The following WNT5A variants were observed in gnomAD, a reference collection of about 807,000 sequenced individuals.
WNT5A encodes the protein protein Wnt-5a.
WNT5A carries 9 observed loss-of-function variants against 42.1 expected under a neutral mutation model. The observed-to-expected ratio is 0.21, with a 90% CI of 0.13 to 0.37. The LOEUF is 0.37. WNT5A is among the 10% of genes least tolerant of loss of function. The probability of loss-of-function intolerance (pLI) is 1.00; values close to 1 mark genes in which losing one functional copy is unlikely to be tolerated. For synonymous variants in WNT5A, 210 were observed against 210.0 expected (o/e 1.00, Z 0.00); for missense variants, 426 against 534.0 (o/e 0.80, Z 1.99).
chr3:55,496,459 A>G, the WNT5A span, among the ~76,000 whole-genome samples: 3 of 152,246 alleles, frequency 2.0e-5, no homozygotes, highest in South Asian at 4.1e-4. Flanking sequence ...CTTTGGAAAT[A>G]CCACAGAATT....
chr3:55,476,357 C>T (rs2051357227), intron 3 of WNT5A, among the ~76,000 whole-genome samples: 1 of 152,152 alleles, frequency 6.6e-6, no homozygotes, highest in Admixed American at 6.5e-5. Flanking sequence ...TGATGCGTTA[C>T]ACCTATCTAG....
chr3:55,480,160 G>GT (rs1330646883), intron 2 of WNT5A, among the ~76,000 whole-genome samples: 2 of 152,104 alleles, frequency 1.3e-5, no homozygotes, highest in Non-Finnish European at 2.9e-5. Flanking sequence ...GAAAAATGCT[G>GT]TTCATTTACA....
At chr3:55,475,093 T>C (rs2051330946) in intron 3 of WNT5A, among the ~76,000 whole-genome samples, 1 of 152,144 alleles carries the variant, frequency 6.6e-6, no homozygotes, top group Non-Finnish European at 1.5e-5. Flanking sequence ...CCAGTATCTC[T>C]GCTCAGCCAT....
chr3:55,502,506 C>T, the WNT5A span, among the ~76,000 whole-genome samples: 1 of 152,182 alleles, frequency 6.6e-6, no homozygotes, highest in African/African-American at 2.4e-5. Context: ...GAAACCAGAA[C>T]ATCAACTAGA....
chr3:55,488,675 G>C (rs978583354), upstream of WNT5A, among the ~76,000 whole-genome samples: 1 of 152,048 alleles, frequency 6.6e-6, no homozygotes, highest in Non-Finnish European at 1.5e-5. Flanking sequence ...TGCTGAAAGA[G>C]AGAGGTCCAC....
rs2051514542 is a variant in WNT5A, at chr3:55,483,767, C to A, written c.7-2849G>T. The stretch of plus-strand genomic sequence containing the variant: ...GACGTGGCTCCCTTTCTATGTATCC[C>A]TCAAAGCCTTCGCGTCGGATTAAAG... On this transcript the variant is annotated intron_variant, in intron 1 of 4. Transcript: ENST00000264634. This position sits in a 1 kb window ranked among gnomAD's most constrained non-coding sequence, Gnocchi z 4.2. 6.6e-6 allele frequency among the ~76,000 whole-genome samples: 1 copy of A among 152,120 alleles called. No individual in the cohort carries two copies. The highest frequency in any genetic ancestry group is 1.5e-5 in the Non-Finnish European group (1 of 68,022).
rs377043203 is a variant in WNT5A at position 55,470,419 on chromosome 3, G to A, written c.816C>T (p.Ser272=). The change falls in exon 5 of 5, where the codon AGC becomes AGT. Residue 272 remains serine (S), a synonymous_variant. Transcript: ENST00000264634. ...VGDALKEKYD[S]AAAMRLNSRG... ...GGCTGTTGAGCCGCATGGCCGCCGC[G>A]CTGTCGTACTTCTCCTTCAGGGCAT... The A allele has an allele frequency of 1.3e-5, 21 of 1,612,838 alleles. No homozygotes were observed. In the African/African-American group the frequency reaches 2.0e-4, roughly 15 times the overall value.
chr3:55,478,570 T>A lies in WNT5A; in HGVS notation c.391+744A>T, dbSNP rs574135959. On this transcript the variant is annotated intron_variant, in intron 3 of 4. Coordinates refer to ENST00000264634, the MANE Select transcript of WNT5A (RefSeq NM_003392.7). ...AGCAGAGGCAAACAAACAGATTTTT[T>A]AAAATCTTTGCCTTTAGCCCATTTG... 5.9e-5 allele frequency among the ~76,000 whole-genome samples: 9 copies of A among 152,340 alleles called. No individual in the cohort carries two copies. In the South Asian group the frequency reaches 1.0e-3, roughly 18 times the overall value.
chr3:55,497,968 G>T, the WNT5A span, among the ~76,000 whole-genome samples: 2 of 152,156 alleles, frequency 1.3e-5, no homozygotes, highest in Non-Finnish European at 2.9e-5. Context: ...ATCTACAGAG[G>T]TTAAAATGAA....
upstream of WNT5A, chr3:55,493,939 A>C (rs1256088274): frequency 1.3e-5 from 2 of 152,220 alleles, no homozygotes; most frequent in African/African-American, 4.8e-5. Context: ...TTTCTTCTGA[A>C]AAGTTGTTTG....
At position 55,466,734 on chromosome 3, in the gene WNT5A, G is replaced by A. The variant is rs1054971723; in HGVS notation, c.*3358C>T. On this transcript the variant is annotated 3_prime_UTR_variant, in exon 5 of 5. Transcript: ENST00000264634. The stretch of plus-strand genomic sequence containing the variant: ...AAAAATACGCTGACACTGCTAAATC[G>A]GGTATATGTTTTTGCAATAAAGAAC... The A allele has an allele frequency of 1.3e-5, 2 of 152,622 alleles. No individual in the cohort carries two copies. The highest frequency in any genetic ancestry group is 2.1e-4 in the South Asian group (1 of 4,820). 9.5% of individuals were successfully genotyped at this position (152,622 alleles called of 1,614,324 possible).
chr3:55,496,619 C>T, the WNT5A span, among the ~76,000 whole-genome samples: 1 of 152,202 alleles, frequency 6.6e-6, no homozygotes, highest in Non-Finnish European at 1.5e-5. Flanking sequence ...GCATGATCCT[C>T]CCCCTGTGGC....
At chr3:55,473,851 A>G (rs1417444734) in intron 4 of WNT5A, among the ~76,000 whole-genome samples, 1 of 152,244 alleles carries the variant, frequency 6.6e-6, no homozygotes, top group South Asian at 2.1e-4. Context: ...CCAACCACAG[A>G]CATCGTCCAG....
the WNT5A span, among the ~76,000 whole-genome samples, chr3:55,501,240 C>T: frequency 2.0e-5 from 3 of 152,184 alleles, no homozygotes; most frequent in Non-Finnish European, 4.4e-5. Flanking sequence ...AAATGACTGG[C>T]CTTAAATGAG....
Position 55,468,415 on chromosome 3 carries a change from T to C in WNT5A, c.*1677A>G, listed in dbSNP as rs1397298522. 1 of 152,050 alleles carries C rather than the reference T, an allele frequency of 6.6e-6. No individual in the cohort carries two copies. Among genetic ancestry groups the C allele is most frequent in the Non-Finnish European group, 1.5e-5 (1 of 68,018 alleles). 9.4% of individuals were successfully genotyped at this position (152,050 alleles called of 1,614,324 possible). On this transcript the variant is annotated 3_prime_UTR_variant, in exon 5 of 5. Transcript: ENST00000264634. ...AAAGATATCTTCAACCCAACACGCA[T>C]TTCAGTGAGTCAGAACTCAAGCTTC...
chr3:55,484,094 G>T (rs1183921903), intron 1 of WNT5A, among the ~76,000 whole-genome samples: 1 of 152,172 alleles, frequency 6.6e-6, no homozygotes, highest in East Asian at 1.9e-4. Context: ...GGAGTGAAAC[G>T]ATGAGGGACG....
chr3:55,472,504 G>A (rs1425292729), intron 4 of WNT5A, among the ~76,000 whole-genome samples: 1 of 152,132 alleles, frequency 6.6e-6, no homozygotes, highest in African/African-American at 2.4e-5. Context: ...TGATAGCAAG[G>A]TTTTATGGGC....
rs1026265548 is a variant in WNT5A at position 55,479,343 on chromosome 3, G to A, written c.362C>T (p.Thr121Ile). ...CTGCATCACCCTGCCAAAAACAGAG[G>A]TGTTATCCACAGTGCTGCAGTTCCA... ...RRWNCSTVDN[T>I]SVFGRVMQIG... Residue 121 changes from threonine (T) to isoleucine (I), a missense_variant, in exon 3 of 5, where the codon ACC becomes ATC. Physicochemically the swap from Thr to Ile is moderately conservative, Grantham distance 89. Around this residue, in one of 3 missense-constraint regions of WNT5A, gnomAD observed 358 missense variants for 468.1 expected, o/e 0.76. Coordinates refer to ENST00000264634, the MANE Select transcript of WNT5A (RefSeq NM_003392.7). The A allele has an allele frequency of 6.3e-7, 1 of 1,599,104 alleles. No homozygotes were observed.
upstream of WNT5A, chr3:55,487,399 C>T (rs1382257331): frequency 9.5e-6 from 2 of 210,864 alleles, no homozygotes; most frequent in Admixed American, 1.2e-4. Context: ...TGCAAAAGAC[C>T]TTACGACAAA....
Sources: allele counts gnomAD v4.1 joint callset (sites outside exome capture counted in the v4.1 genomes callset), GRCh38; gene constraint gnomAD v4.1.1; regional missense constraint gnomAD v4.1.1; non-coding constraint Gnocchi (gnomAD v3.1); transcripts MANE v1.5; gene names NCBI Gene and HGNC (gene_info 2026-07-23, HGNC 2026-07-21).